HCN3: variants seen among roughly 807,000 people sequenced by gnomAD.
HCN3 encodes the protein hyperpolarization activated cyclic nucleotide gated potassium channel 3, also known as potassium/sodium hyperpolarization-activated cyclic nucleotide-gated channel 3.
HCN3 carries 36 observed loss-of-function variants against 56.8 expected under a neutral mutation model. That is an observed-to-expected ratio of 0.63 (90% confidence interval 0.49 to 0.84). The LOEUF is 0.84. Ranked by LOEUF, HCN3 falls within the 40% of genes least tolerant of loss-of-function variation. The pLI is 0.00. For missense variants in HCN3, 930 were observed against 1,079.3 expected, an observed-to-expected ratio of 0.86 and a Z score of 1.94; for synonymous variants, 425 against 439.7, an observed-to-expected ratio of 0.97 and a Z score of 0.42.
chr1:155,282,805 T>A lies in HCN3; in HGVS notation c.673T>A (p.Ser225Thr), dbSNP rs1017947509. The change falls in exon 2 of 8, where the codon TCC becomes ACC. Residue 225 changes from serine (S) to threonine (T), a missense_variant. Ser to Thr is a moderately conservative substitution (Grantham distance 58, BLOSUM62 1). Coordinates refer to ENST00000368358, the MANE Select transcript of HCN3 (RefSeq NM_020897.3). The surrounding 1 kb of genome is among the most constrained non-coding windows in gnomAD (Gnocchi z 4.7). ...AAGCCTGCTGAGGCTGCTCCGCCTC[T>A]CCCGCCTCATCCGCTACATACACCA... ...ILSLLRLLRL[S>T]RLIRYIHQWE... 2 of 1,424,320 alleles carry A rather than the reference T, an allele frequency of 1.4e-6. No homozygotes were observed. Among genetic ancestry groups the A allele is most frequent in the African/African-American group, 3.0e-5 (2 of 67,130 alleles). 88.2% of individuals were successfully genotyped at this position (1,424,320 alleles called of 1,614,324 possible).
rs770752686 is a variant in HCN3, at chr1:155,287,323, G to C, written c.1628G>C (p.Arg543Pro). 1 of 1,613,752 alleles carries C rather than the reference G, an allele frequency of 6.2e-7. No homozygotes were observed. The change falls in exon 7 of 8, where the codon CGG becomes CCG. Residue 543 changes from arginine to proline, a missense_variant. Physicochemically the swap from Arg to Pro is moderately radical, Grantham distance 103. Transcript: ENST00000368358. ...GCCTTTGAGACTGTGGCCATGGATCGGCTGCTCCGCATCGGTGAGACCTGT... is the reference window on the plus strand; with the variant it reads ...GCCTTTGAGACTGTGGCCATGGATCCGCTGCTCCGCATCGGTGAGACCTGT... ...RRAFETVAMD[R>P]LLRIGKKNSI...
intron 1 of HCN3, 151 bp downstream of exon 1, chr1:155,278,019 G>C (rs1014323883): frequency 9.6e-7 from 1 of 1,036,608 alleles, no homozygotes. Flanking sequence ...CACCAGTCTA[G>C]CCTGGGAATT....
At chr1:155,281,529 C>T (rs1411197710) in intron 1 of HCN3, among the ~76,000 whole-genome samples, 1 of 151,922 alleles carries the variant, frequency 6.6e-6, no homozygotes, top group African/African-American at 2.4e-5. Context: ...CCACCATGCC[C>T]AGCTAATTTT....
In HCN3 at chr1:155,284,558, A is replaced by G. The variant is rs974748729; in HGVS notation, c.890A>G (p.Gln297Arg). 10 of 1,612,672 alleles carry G rather than the reference A, an allele frequency of 6.2e-6. No individual in the cohort carries two copies. In the East Asian group the frequency reaches 1.3e-4, roughly 22 times the overall value. Residue 297 changes from glutamine (Q) to arginine (R), a missense_variant, in exon 4 of 8, where the codon CAG becomes CGG. Gln to Arg is a conservative substitution (Grantham distance 43, BLOSUM62 1). Transcript: ENST00000368358. This position sits in a 1 kb window ranked among gnomAD's most constrained non-coding sequence, Gnocchi z 4.3. Reference protein sequence around the residue: ...NHMVNHSWGRQYSHALFKAMS... With the variant: ...NHMVNHSWGRRYSHALFKAMS... ...CCTCAGAACCACTCGTGGGGCCGCC[A>G]GTATTCCCATGCCCTGTTCAAGGCC...
chr1:155,279,221 A>G (rs1673926956), intron 1 of HCN3, among the ~76,000 whole-genome samples: 1 of 152,200 alleles, frequency 6.6e-6, no homozygotes, highest in South Asian at 2.1e-4. Context: ...GGTGTGTCCT[A>G]GAATTAAAAC....
chr1:155,287,707 T>C lies in HCN3; in HGVS notation c.1643-74T>C, dbSNP rs555653314. On this transcript the variant is annotated intron_variant, in intron 7 of 7. Transcript: ENST00000368358. Reference sequence around the variant, plus strand: ...ACCCCACCCCATCCTGATACTCTCATACTCTTTGATATCCAACATCCATCT... The same window carrying C: ...ACCCCACCCCATCCTGATACTCTCACACTCTTTGATATCCAACATCCATCT... 2.3e-4 allele frequency: 338 copies of C among 1,465,868 alleles called. No individual in the cohort carries two copies. In the African/African-American group the frequency reaches 4.4e-3, roughly 19 times the overall value. 90.8% of individuals were successfully genotyped at this position (1,465,868 alleles called of 1,614,324 possible).
In HCN3 at chr1:155,282,663, C is replaced by T. The variant is rs767345999; in HGVS notation, c.531C>T (p.Leu177=). 1 of 1,614,252 alleles carries T rather than the reference C, an allele frequency of 6.2e-7. No individual in the cohort carries two copies. Among genetic ancestry groups the T allele is most frequent in the Non-Finnish European group, 8.5e-7 (1 of 1,180,050 alleles). Residue 177 remains leucine, a synonymous_variant, in exon 2 of 8, where the codon CTC becomes CTT. Transcript: ENST00000368358. This position sits in a 1 kb window ranked among gnomAD's most constrained non-coding sequence, Gnocchi z 4.7. ...RYLRTWFLVD[L]ISSIPVDYIF... is the part of the protein sequence containing the mutation. Reference sequence around the variant, plus strand: ...TGCGCACCTGGTTCCTGGTTGACCTCATCTCTTCTATCCCTGTGGATTACA... The same window carrying T: ...TGCGCACCTGGTTCCTGGTTGACCTTATCTCTTCTATCCCTGTGGATTACA...
rs762311126 is a variant in HCN3 at position 155,285,710 on chromosome 1, C to T, written c.1237-14C>T. 4 of 1,613,782 alleles carry T rather than the reference C, an allele frequency of 2.5e-6. No homozygotes were observed. The East Asian group carries it at 6.7e-5, about 27-fold the overall frequency. ...AGGGGCACAGCCTGCCTGACAGGCC[C>T]CTCCCCTGTCCAGGAGATCATTAAC... is the stretch of plus-strand genomic sequence containing the variant. On this transcript the variant is annotated splice_polypyrimidine_tract_variant and intron_variant, in intron 5 of 7. Transcript: ENST00000368358. This position sits in a 1 kb window ranked among gnomAD's most constrained non-coding sequence, Gnocchi z 4.5.
chr1:155,284,810 G>T lies in HCN3; in HGVS notation c.1089+53G>T. ...GGCATGGAGGGGTGTTGGAGACTGGGTAGCCTGACTTGAGGCCCATTCTGA... is the reference window on the plus strand; with the variant it reads ...GGCATGGAGGGGTGTTGGAGACTGGTTAGCCTGACTTGAGGCCCATTCTGA... On this transcript the variant is annotated intron_variant, in intron 4 of 7. Transcript: ENST00000368358. This position sits in a 1 kb window ranked among gnomAD's most constrained non-coding sequence, Gnocchi z 4.3. 2 of 1,507,034 alleles carry T rather than the reference G, an allele frequency of 1.3e-6. No homozygotes were observed. 93.4% of individuals were successfully genotyped at this position (1,507,034 alleles called of 1,614,324 possible).
chr1:155,284,613 G>T lies in HCN3; in HGVS notation c.945G>T (p.Gly315=). 1 of 1,614,004 alleles carries T rather than the reference G, an allele frequency of 6.2e-7. No homozygotes were observed. The highest frequency in any genetic ancestry group is 8.5e-7 in the Non-Finnish European group (1 of 1,180,044). Residue 315 remains glycine (G), a synonymous_variant, in exon 4 of 8, where the codon GGG becomes GGT. Coordinates refer to ENST00000368358, the MANE Select transcript of HCN3 (RefSeq NM_020897.3). The surrounding 1 kb of genome is among the most constrained non-coding windows in gnomAD (Gnocchi z 4.3). ...GCCACATGCTGTGCATTGGCTATGG[G>T]CAGCAGGCACCTGTAGGCATGCCCG... The part of the protein sequence containing the change: ...AMSHMLCIGY[G]QQAPVGMPDV...
chr1:155,283,127 G>A (rs1674142730), intron 2 of HCN3, among the ~76,000 whole-genome samples: 1 of 152,138 alleles, frequency 6.6e-6, no homozygotes, highest in African/African-American at 2.4e-5. Flanking sequence ...TGGATGCTGG[G>A]CGGAGGATGA....
Position 155,283,963 on chromosome 1 carries a change from G to A in HCN3, c.709-11G>A, listed in dbSNP as rs900751562. The A allele has an allele frequency of 5.6e-6, 9 of 1,608,338 alleles. 1 individual carries two copies. The highest frequency in any genetic ancestry group is 2.2e-5 in the East Asian group (1 of 44,714). On this transcript the variant is annotated splice_polypyrimidine_tract_variant and intron_variant, in intron 2 of 7. Coordinates refer to ENST00000368358, the MANE Select transcript of HCN3 (RefSeq NM_020897.3). ...TTCCTGTCCACAGCAGCTCCTCCTCGGACTCCTCAGATCTTTCACATGACC... is the reference window on the plus strand; with the variant it reads ...TTCCTGTCCACAGCAGCTCCTCCTCAGACTCCTCAGATCTTTCACATGACC...
rs775743272 is a variant in HCN3 at position 155,282,489 on chromosome 1, G to A, written c.357G>A (p.Lys119=). 2.5e-6 allele frequency: 4 copies of A among 1,614,110 alleles called. No homozygotes were observed. The African/African-American group carries it at 5.3e-5, about 22-fold the overall frequency. ...IVLPVGITFF[K]EENSPPWIVF... ...TGCCTGTGGGCATCACCTTCTTCAAGGAGGAGAACTCCCCGCCTTGGATCG... is the reference window on the plus strand; with the variant it reads ...TGCCTGTGGGCATCACCTTCTTCAAAGAGGAGAACTCCCCGCCTTGGATCG... The change falls in exon 2 of 8, where the codon AAG becomes AAA. Residue 119 remains lysine, a synonymous_variant. Coordinates refer to ENST00000368358, the MANE Select transcript of HCN3 (RefSeq NM_020897.3). This position sits in a 1 kb window ranked among gnomAD's most constrained non-coding sequence, Gnocchi z 4.7.
Position 155,285,865 on chromosome 1 carries a change from T to C in HCN3, c.1378T>C (p.Ser460Pro). ...QPGDLVVREG[S>P]VGRKMYFIQH... ...GGGGGATCTCGTGGTGCGTGAGGGC[T>C]CCGTGGGGAGGAAGATGTACTTCAT... The change falls in exon 6 of 8, where the codon TCC becomes CCC. Residue 460 changes from serine (S) to proline (P), a missense_variant. Transcript: ENST00000368358. This position sits in a 1 kb window ranked among gnomAD's most constrained non-coding sequence, Gnocchi z 4.5. 6.2e-7 allele frequency: 1 copy of C among 1,614,190 alleles called. No homozygotes were observed. The highest frequency in any genetic ancestry group is 8.5e-7 in the Non-Finnish European group (1 of 1,180,014).
chr1:155,287,364 TG>T (rs1674329187), intron 7 of HCN3, 27 bp downstream of exon 7: 2 of 1,612,570 alleles, frequency 1.2e-6, no homozygotes, highest in Non-Finnish European at 1.7e-6. Flanking sequence ...CCATCTGCTC[TG>T]GGTCCAGACT....
Position 155,282,888 on chromosome 1 carries a change from G to GAA in HCN3, c.708+48_708+49insAA. 1 of 1,449,550 alleles carries GAA rather than the reference G, an allele frequency of 6.9e-7. No homozygotes were observed. The highest frequency in any genetic ancestry group is 9.3e-7 in the Non-Finnish European group (1 of 1,071,758). 89.8% of individuals were successfully genotyped at this position (1,449,550 alleles called of 1,614,324 possible). On this transcript the variant is annotated intron_variant, in intron 2 of 7. Coordinates refer to ENST00000368358, the MANE Select transcript of HCN3 (RefSeq NM_020897.3). The surrounding 1 kb of genome is among the most constrained non-coding windows in gnomAD (Gnocchi z 4.7). Reference sequence around the variant, plus strand: ...GGGGCAGTGGGTGGGGGATGTTGGGGGAGAAGGGGGCGGGGCGGCTGGTGG... The same window carrying GAA: ...GGGGCAGTGGGTGGGGGATGTTGGGGAAGAGAAGGGGGCGGGGCGGCTGGTGG...
In HCN3 at chr1:155,282,900, G is replaced by A. The variant is rs1185748066; in HGVS notation, c.708+60G>A. On this transcript the variant is annotated intron_variant, in intron 2 of 7. Coordinates refer to ENST00000368358, the MANE Select transcript of HCN3 (RefSeq NM_020897.3). The surrounding 1 kb of genome is among the most constrained non-coding windows in gnomAD (Gnocchi z 4.7). ...GGGGGATGTTGGGGGAGAAGGGGGC[G>A]GGGCGGCTGGTGGACTTCTCTAGGA... 5.0e-6 allele frequency: 7 copies of A among 1,409,102 alleles called. No individual in the cohort carries two copies. Among genetic ancestry groups the A allele is most frequent in the African/African-American group, 2.8e-5 (2 of 70,422 alleles). 87.3% of individuals were successfully genotyped at this position (1,409,102 alleles called of 1,614,324 possible).
In HCN3 at chr1:155,285,081, G is replaced by T; in HGVS notation, c.1090-84G>T. On this transcript the variant is annotated intron_variant, in intron 4 of 7. Coordinates refer to ENST00000368358, the MANE Select transcript of HCN3 (RefSeq NM_020897.3). This position sits in a 1 kb window ranked among gnomAD's most constrained non-coding sequence, Gnocchi z 4.5. ...CCCTTTGAGTTTGACCTGTGTCTCT[G>T]ACCTTCCGCACACACACCCCACTGT... The T allele has an allele frequency of 6.6e-7, 1 of 1,518,038 alleles. No homozygotes were observed. Among genetic ancestry groups the T allele is most frequent in the South Asian group, 1.2e-5 (1 of 82,098 alleles). 94.0% of individuals were successfully genotyped at this position (1,518,038 alleles called of 1,614,324 possible). A position where few individuals can be genotyped will look rare whatever the true frequency, so the allele number is the denominator to read the frequency against.
intron 1 of HCN3, among the ~76,000 whole-genome samples, chr1:155,280,263 A>T (rs111564801): frequency 5.6e-4 from 52 of 92,384 alleles, no homozygotes; most frequent in Admixed American, 1.6e-3. Context: ...TTATTTATTT[A>T]TTTTATTTAT....
Sources: allele counts gnomAD v4.1 joint callset (sites outside exome capture counted in the v4.1 genomes callset), GRCh38; gene constraint gnomAD v4.1.1; non-coding constraint Gnocchi (gnomAD v3.1); transcripts MANE v1.5; gene names NCBI Gene and HGNC (gene_info 2026-07-23, HGNC 2026-07-21).